Variants in ARMH3 observed in about 807,000 individuals in gnomAD.
The protein encoded by ARMH3 is armadillo-like helical domain-containing protein 3.
A neutral mutation model predicts 99.1 loss-of-function variants in ARMH3; 60 were observed. The ratio of observed to expected loss-of-function variants is 0.61; its 90% CI spans 0.49 to 0.75. ARMH3 has a LOEUF of 0.75. Among genes scored for constraint, ARMH3 ranks in the 30% least tolerant of loss-of-function variants. The probability of loss-of-function intolerance (pLI) is 0.00; values close to 1 mark genes in which losing one functional copy is unlikely to be tolerated. For missense variants in ARMH3, 679 were observed against 843.1 expected (o/e 0.81, Z 2.41); for synonymous variants, 285 against 292.8 (o/e 0.97, Z 0.27).
chr10:102,011,791 A>G lies in ARMH3; in HGVS notation c.771-8T>C. 6.2e-7 allele frequency: 1 copy of G among 1,602,078 alleles called. No homozygotes were observed. Among genetic ancestry groups the G allele is most frequent in the East Asian group, 2.2e-5 (1 of 44,766 alleles). The stretch of plus-strand genomic sequence containing the variant: ...TCCTTGTCTTTATACTGCCTAAACA[A>G]AAAGAACTAAATTCAACTTTAGGAT... On this transcript the variant is annotated splice_polypyrimidine_tract_variant and splice_region_variant and intron_variant, in intron 10 of 25. Coordinates refer to ENST00000370033, the MANE Select transcript of ARMH3 (RefSeq NM_024541.3).
chr10:101,937,587 T>C (rs1844046350), intron 23 of ARMH3, among the ~76,000 whole-genome samples: 1 of 151,268 alleles, frequency 6.6e-6, no homozygotes, highest in South Asian at 2.1e-4. Flanking sequence ...GGAACAAATA[T>C]GGGGCCTTCC....
intron 23 of ARMH3, among the ~76,000 whole-genome samples, chr10:101,929,740 C>T (rs1234128947): frequency 6.6e-6 from 1 of 152,044 alleles, no homozygotes; most frequent in African/African-American, 2.4e-5. Context: ...AGAAAATATT[C>T]ACTTAATGCA....
intron 1 of ARMH3, among the ~76,000 whole-genome samples, chr10:102,041,090 A>ATTAT (rs1554897209): frequency 7.5e-6 from 1 of 132,642 alleles, no homozygotes; most frequent in African/African-American, 2.7e-5. Context: ...ATATATATAT[A>ATTAT]ATATATATAT....
At chr10:101,912,101 T>C (rs943180549) in intron 23 of ARMH3, among the ~76,000 whole-genome samples, 1 of 148,392 alleles carries the variant, frequency 6.7e-6, no homozygotes, top group African/African-American at 2.5e-5. Context: ...CCAAAGAAAA[T>C]GATTTGAGCA....
In ARMH3 at chr10:101,865,198, A is replaced by G. The variant is rs1255561096; in HGVS notation, c.1861-15306T>C. 2.7e-5 allele frequency among the ~76,000 whole-genome samples: 4 copies of G among 149,964 alleles called. 1 individual carries two copies. Among genetic ancestry groups the G allele is most frequent in the Admixed American group, 2.0e-4 (3 of 14,998 alleles). ...GCCACTGCACTCCAGCCTGGGCGAC[A>G]GTGTGAGACTATGTCTCAAAAAAAA... On this transcript the variant is annotated intron_variant, in intron 24 of 25. Coordinates refer to ENST00000370033, the MANE Select transcript of ARMH3 (RefSeq NM_024541.3).
Position 101,939,728 on chromosome 10 carries a change from C to T in ARMH3, c.1781+135G>A, listed in dbSNP as rs564182413. 9.8e-5 allele frequency: 60 copies of T among 612,322 alleles called. No homozygotes were observed. In the Middle Eastern group the frequency reaches 2.3e-3, roughly 23 times the overall value. 37.9% of individuals were successfully genotyped at this position (612,322 alleles called of 1,614,324 possible). ...TACTCCTGCTTTTCTTGATCAAGTA[C>T]GACAATTTTTCTTCCACTCCTACAG... On this transcript the variant is annotated intron_variant, in intron 23 of 25. Coordinates refer to ENST00000370033, the MANE Select transcript of ARMH3 (RefSeq NM_024541.3).
intron 1 of ARMH3, among the ~76,000 whole-genome samples, chr10:102,049,815 C>G (rs988116121): frequency 9.9e-5 from 15 of 151,946 alleles, no homozygotes; most frequent in African/African-American, 2.7e-4. Context: ...CCTAGGCCCC[C>G]CAAAGTGCTA....
At chr10:101,935,093 G>T (rs1190489419) in intron 23 of ARMH3, among the ~76,000 whole-genome samples, 3 of 150,432 alleles carry the variant, frequency 2.0e-5, no homozygotes, top group Admixed American at 1.3e-4. Flanking sequence ...GCCCCTCAAA[G>T]TACTCCTTTG....
Position 101,994,619 on chromosome 10 carries a change from T to C in ARMH3, c.1209+678A>G, listed in dbSNP as rs562207615. On this transcript the variant is annotated intron_variant, in intron 16 of 25. Coordinates refer to ENST00000370033, the MANE Select transcript of ARMH3 (RefSeq NM_024541.3). Reference sequence around the variant, plus strand: ...TCTTAAAAAGCCAAAGCATCTCTTCTTTTTTCCCCTCAGCTCTTGTTCCTC... The same window carrying C: ...TCTTAAAAAGCCAAAGCATCTCTTCCTTTTTCCCCTCAGCTCTTGTTCCTC... 7.2e-5 allele frequency among the ~76,000 whole-genome samples: 11 copies of C among 152,330 alleles called. 1 individual carries two copies. The South Asian group carries it at 2.3e-3, about 32-fold the overall frequency.
chr10:102,030,574 G>T (rs1406406450), intron 4 of ARMH3, among the ~76,000 whole-genome samples: 1 of 152,028 alleles, frequency 6.6e-6, no homozygotes, highest in African/African-American at 2.4e-5. Flanking sequence ...GCCAAGTGTG[G>T]AGGCAGATGC....
Position 102,036,499 on chromosome 10 carries a change from A to C in ARMH3, c.103-3160T>G, listed in dbSNP as rs191230931. On this transcript the variant is annotated intron_variant, in intron 2 of 25. Coordinates refer to ENST00000370033, the MANE Select transcript of ARMH3 (RefSeq NM_024541.3). ...GCTGTGTCTGTGTAGAAAGTAGAAG[A>C]CATGGGAGACTTCATTTTGTTCTGT... Among the ~76,000 whole-genome samples the C allele has an allele frequency of 3.8e-3, 575 of 152,252 alleles. 3 individuals carry two copies. Among genetic ancestry groups the C allele is most frequent in the Middle Eastern group, 6.8e-3 (2 of 294 alleles).
At chr10:102,012,941 A>G (rs2066664462) in intron 9 of ARMH3, 65 bp from the exon 10 acceptor site, 3 of 1,415,302 alleles carry the variant, frequency 2.1e-6, no homozygotes, top group African/African-American at 2.9e-5. Context: ...TGATGATGCT[A>G]GAACAAGGTC....
intron 24 of ARMH3, among the ~76,000 whole-genome samples, chr10:101,884,536 T>A (rs2135422337): frequency 6.6e-6 from 1 of 152,292 alleles, no homozygotes; most frequent in Admixed American, 6.5e-5. Flanking sequence ...GCAAGTTGTA[T>A]CTTCTCCGTA....
At chr10:101,904,748 T>C (rs2068062993) in intron 23 of ARMH3, among the ~76,000 whole-genome samples, 1 of 151,506 alleles carries the variant, frequency 6.6e-6, no homozygotes, top group Non-Finnish European at 1.5e-5. Context: ...GGTCGGGAGA[T>C]TGAGACCAGC....
chr10:102,028,959 C>T (rs1361672923), intron 5 of ARMH3, among the ~76,000 whole-genome samples: 1 of 152,160 alleles, frequency 6.6e-6, no homozygotes, highest in African/African-American at 2.4e-5. Flanking sequence ...GCAACCTCCA[C>T]CTCCCAGGTT....
chr10:101,939,236 G>A lies in ARMH3; in HGVS notation c.1781+627C>T, dbSNP rs182234393. ...AAATCAAAGGCACAAAGGGAGCAAC[G>A]AACAGAAGAAAAGTCGAATTTAGGT... On this transcript the variant is annotated intron_variant, in intron 23 of 25. Coordinates refer to ENST00000370033, the MANE Select transcript of ARMH3 (RefSeq NM_024541.3). Among the ~76,000 whole-genome samples the A allele has an allele frequency of 2.6e-5, 4 of 152,256 alleles. No homozygotes were observed. In the East Asian group the frequency reaches 5.8e-4, roughly 22 times the overall value.
At chr10:102,013,600 A>T (rs2066678414) in intron 9 of ARMH3, among the ~76,000 whole-genome samples, 1 of 152,216 alleles carries the variant, frequency 6.6e-6, no homozygotes. Flanking sequence ...GTCAGGCTAT[A>T]AATACTATCT....
chr10:101,854,394 A>G (rs1310441999), intron 24 of ARMH3, among the ~76,000 whole-genome samples: 1 of 152,180 alleles, frequency 6.6e-6, no homozygotes, highest in Non-Finnish European at 1.5e-5. Flanking sequence ...CTATGACTCA[A>G]AAGTAACTAC....
At chr10:101,945,460 G>A (rs183836781) in intron 22 of ARMH3, among the ~76,000 whole-genome samples, 1 of 152,148 alleles carries the variant, frequency 6.6e-6, no homozygotes, top group Non-Finnish European at 1.5e-5. Context: ...GCTCGCGCTT[G>A]TAATCCCAGC....
Sources: allele counts gnomAD v4.1 joint callset (sites outside exome capture counted in the v4.1 genomes callset), GRCh38; gene constraint gnomAD v4.1.1; transcripts MANE v1.5; gene names NCBI Gene and HGNC (gene_info 2026-07-23, HGNC 2026-07-21).